The following HUNK variants were observed in gnomAD, a reference collection of about 807,000 sequenced individuals.
The protein encoded by HUNK is hormonally up-regulated Neu-associated kinase, also known as hormonally up-regulated neu tumor-associated kinase.
In HUNK, 21 loss-of-function variants were observed where a neutral mutation model predicts 61.0. The ratio of observed to expected loss-of-function variants is 0.34; its 90% CI spans 0.24 to 0.50. The LOEUF is 0.50. Among genes scored for constraint, HUNK ranks in the 20% least tolerant of loss-of-function variants. The probability of loss-of-function intolerance (pLI) is 0.98; values close to 1 mark genes in which losing one functional copy is unlikely to be tolerated. For synonymous variants in HUNK, 371 were observed against 386.1 expected (o/e 0.96, Z 0.46); for missense variants, 772 against 945.7 (o/e 0.82, Z 2.41).
At position 31,999,233 on chromosome 21, in the gene HUNK, G is replaced by A; in HGVS notation, c.*49G>A. 1 of 1,490,184 alleles carries A rather than the reference G, an allele frequency of 6.7e-7. No individual in the cohort carries two copies. 92.3% of individuals were successfully genotyped at this position (1,490,184 alleles called of 1,614,324 possible). Reference sequence around the variant, plus strand: ...ATCTCTAGAAAACAGCAACTGAACAGAGCTCCACACATCTGTCAGGGTGTG... The same window carrying A: ...ATCTCTAGAAAACAGCAACTGAACAAAGCTCCACACATCTGTCAGGGTGTG... On this transcript the variant is annotated 3_prime_UTR_variant, in exon 11 of 11. Coordinates refer to ENST00000270112, the MANE Select transcript of HUNK (RefSeq NM_014586.2).
rs1161917658 is a variant in HUNK, at chr21:32,001,608, C to G, written c.*2424C>G. ...ACTCTGAACTCAGGTTTATTCTAAA[C>G]CCAGTGAGAGGTGAGGGGGAGTGAT... On this transcript the variant is annotated 3_prime_UTR_variant, in exon 11 of 11. Transcript: ENST00000270112. 1 of 152,482 alleles carries G rather than the reference C, an allele frequency of 6.6e-6. No individual in the cohort carries two copies. Among genetic ancestry groups the G allele is most frequent in the African/African-American group, 2.4e-5 (1 of 41,376 alleles). The allele number at this position is 152,482 out of a possible 1,614,324, so 9.4% of individuals were successfully genotyped here. A position where few individuals can be genotyped will look rare whatever the true frequency, so the allele number is the denominator to read the frequency against.
At chr21:31,958,766 CG>C (rs2052906884) in intron 4 of HUNK, 76 bp from the exon 5 acceptor site, 11 of 1,394,930 alleles carry the variant, frequency 7.9e-6, no homozygotes, top group Non-Finnish European at 1.1e-5. Context: ...TCCCACGCTT[CG>C]GTGAAGCCCG....
intron 1 of HUNK, among the ~76,000 whole-genome samples, chr21:31,886,558 G>C (rs896503151): frequency 6.6e-6 from 1 of 152,082 alleles, no homozygotes; most frequent in Non-Finnish European, 1.5e-5. Context: ...ATTTAGAGTT[G>C]ATGTGTTTGT....
chr21:31,875,534 C>T (rs917456543), intron 1 of HUNK, among the ~76,000 whole-genome samples: 2 of 32 alleles, frequency 0.062, no homozygotes, highest in African/African-American at 0.12. Context: ...CGTTCTAGTC[C>T]GCAGGAGCGA....
chr21:32,001,876 G>T lies in HUNK; in HGVS notation c.*2692G>T, dbSNP rs1203290694. On this transcript the variant is annotated 3_prime_UTR_variant, in exon 11 of 11. Coordinates refer to ENST00000270112, the MANE Select transcript of HUNK (RefSeq NM_014586.2). ...GACAGAAATTGACTGGACTGTCATT[G>T]TGTGAAGTCTAGGAGGAAATGTCCA... 2 of 152,644 alleles carry T rather than the reference G, an allele frequency of 1.3e-5. No homozygotes were observed. Among genetic ancestry groups the T allele is most frequent in the African/African-American group, 2.4e-5 (1 of 41,448 alleles). The allele number at this position is 152,644 out of a possible 1,614,324, so 9.5% of individuals were successfully genotyped here.
intron 1 of HUNK, among the ~76,000 whole-genome samples, chr21:31,892,154 A>ATAT (rs1473583446): frequency 9.6e-6 from 1 of 103,640 alleles, no homozygotes; most frequent in Non-Finnish European, 2.0e-5. Context: ...TGGTTAAAAA[A>ATAT]AAAAAAAAAT....
At chr21:31,887,685 A>G (rs1372379757) in intron 1 of HUNK, among the ~76,000 whole-genome samples, 1 of 152,184 alleles carries the variant, frequency 6.6e-6, no homozygotes, top group African/African-American at 2.4e-5. Context: ...GCAGCTTGAA[A>G]GCGTGCAGCA....
chr21:31,993,341 A>G (rs960248379), intron 9 of HUNK, among the ~76,000 whole-genome samples: 1 of 152,214 alleles, frequency 6.6e-6, no homozygotes, highest in Non-Finnish European at 1.5e-5. Context: ...TTAGAAAGGA[A>G]TGAAAATAAA....
chr21:31,969,570 CTTT>C (rs1005480558), intron 6 of HUNK, among the ~76,000 whole-genome samples: 2 of 143,726 alleles, frequency 1.4e-5, no homozygotes, highest in Admixed American at 7.0e-5. Context: ...TCTCTTTTTT[CTTT>C]TTTTTTTTTT....
At chr21:31,968,666 G>T (rs2052985409) in intron 6 of HUNK, among the ~76,000 whole-genome samples, 1 of 151,914 alleles carries the variant, frequency 6.6e-6, no homozygotes, top group Non-Finnish European at 1.5e-5. Context: ...CCCAGGGGTT[G>T]CCTTTTTCTA....
chr21:31,917,719 C>CACACACAG (rs1246061043), intron 1 of HUNK, among the ~76,000 whole-genome samples: 14 of 144,530 alleles, frequency 9.7e-5, no homozygotes, highest in African/African-American at 2.9e-4. Context: ...CACACACACA[C>CACACACAG]ACACACACAC....
chr21:31,971,830 C>CTTT (rs11424112), intron 6 of HUNK, among the ~76,000 whole-genome samples: 11 of 138,732 alleles, frequency 7.9e-5, no homozygotes, highest in African/African-American at 1.6e-4. Flanking sequence ...CAGGTGCAGA[C>CTTT]TTTTTTTTTT....
chr21:31,891,905 A>G (rs1421818267), intron 1 of HUNK, among the ~76,000 whole-genome samples: 1 of 152,134 alleles, frequency 6.6e-6, no homozygotes, highest in Non-Finnish European at 1.5e-5. Context: ...GTCTGCAGAA[A>G]AATCTTTGCA....
intron 1 of HUNK, among the ~76,000 whole-genome samples, chr21:31,892,209 A>AGTGTGT (rs1302324059): frequency 1.7e-5 from 2 of 114,306 alleles, no homozygotes; most frequent in African/African-American, 6.8e-5. Context: ...AGAGAGAGAG[A>AGTGTGT]GTGTGTGTGT....
intron 1 of HUNK, among the ~76,000 whole-genome samples, chr21:31,917,588 C>G (rs1208837746): frequency 1.3e-5 from 2 of 151,958 alleles, no homozygotes; most frequent in East Asian, 3.9e-4. Flanking sequence ...CAACTTGGAT[C>G]TGTTGATGAG....
chr21:31,917,751 C>CACAA (rs2052595136), intron 1 of HUNK, among the ~76,000 whole-genome samples: 1 of 145,200 alleles, frequency 6.9e-6, no homozygotes, highest in South Asian at 2.1e-4. Flanking sequence ...CACACACACA[C>CACAA]ACACACCCCT....
intron 1 of HUNK, among the ~76,000 whole-genome samples, chr21:31,885,220 C>T (rs1045516098): frequency 1.3e-5 from 2 of 152,186 alleles, no homozygotes; most frequent in Non-Finnish European, 2.9e-5. Context: ...GGAGCAAGAG[C>T]CATTACGTAA....
At chr21:31,882,435 T>C (rs76877416) in intron 1 of HUNK, among the ~76,000 whole-genome samples, 1 of 152,296 alleles carries the variant, frequency 6.6e-6, no homozygotes, top group East Asian at 1.9e-4. Context: ...TCGTGAGAGG[T>C]CACTCCTCCT....
At chr21:31,943,237 G>A (rs1458104856) in intron 3 of HUNK, among the ~76,000 whole-genome samples, 1 of 151,722 alleles carries the variant, frequency 6.6e-6, no homozygotes, top group African/African-American at 2.4e-5. Flanking sequence ...TAATCAGGAG[G>A]TTTTTTTTCC....
Sources: allele counts gnomAD v4.1 joint callset (sites outside exome capture counted in the v4.1 genomes callset), GRCh38; gene constraint gnomAD v4.1.1; transcripts MANE v1.5; gene names NCBI Gene and HGNC (gene_info 2026-07-23, HGNC 2026-07-21).